The following JAKMIP1 variants were observed in gnomAD, a reference collection of about 807,000 sequenced individuals.
JAKMIP1 encodes janus kinase and microtubule-interacting protein 1.
Under a neutral mutation model 113.0 loss-of-function variants are expected in JAKMIP1, and 33 were observed. The ratio of observed to expected loss-of-function variants is 0.29; its 90% CI spans 0.22 to 0.39. The LOEUF (loss-of-function observed/expected upper bound fraction) is 0.39, where lower values mean the gene tolerates loss of function less well. Among genes scored for constraint, JAKMIP1 ranks in the 10% least tolerant of loss-of-function variants. JAKMIP1 has a pLI of 1.00. For synonymous variants in JAKMIP1, 480 were observed against 459.9 expected, an observed-to-expected ratio of 1.04 and a Z score of -0.56; for missense variants, 813 against 1,080.5, an observed-to-expected ratio of 0.75 and a Z score of 3.47.
chr4:6,031,418 A>G lies in JAKMIP1; in HGVS notation c.2380-1637T>C, dbSNP rs150577813. 4.3e-4 allele frequency among the ~76,000 whole-genome samples: 65 copies of G among 152,294 alleles called. No individual in the cohort carries two copies. The highest frequency in any genetic ancestry group is 1.5e-3 in the African/African-American group (61 of 41,556). On this transcript the variant is annotated intron_variant, in intron 19 of 20. Coordinates refer to ENST00000409021, the MANE Select transcript of JAKMIP1 (RefSeq NM_001099433.2). This position sits in a 1 kb window ranked among gnomAD's most constrained non-coding sequence, Gnocchi z 4.4. Reference sequence around the variant, plus strand: ...GGTGACACAGAGAGACTCCATCTCAATAAATAAATAAAGAGGCATGAGGAG... The same window carrying G: ...GGTGACACAGAGAGACTCCATCTCAGTAAATAAATAAAGAGGCATGAGGAG...
At chr4:6,175,990 C>A (rs1481064729) in intron 1 of JAKMIP1, among the ~76,000 whole-genome samples, 1 of 152,180 alleles carries the variant, frequency 6.6e-6, no homozygotes, top group African/African-American at 2.4e-5. Flanking sequence ...AGGTCCCTTG[C>A]TCATTATAAA....
intron 11 of JAKMIP1, 103 bp from the exon 12 acceptor site, chr4:6,056,862 A>G (rs1284082235): frequency 1.2e-6 from 1 of 820,468 alleles, no homozygotes; most frequent in African/African-American, 1.7e-5. Flanking sequence ...CTGACCATGG[A>G]AAGGTCATAA....
chr4:6,039,216 G>T (rs1713978006), intron 18 of JAKMIP1, among the ~76,000 whole-genome samples: 2 of 152,192 alleles, frequency 1.3e-5, no homozygotes, highest in Admixed American at 6.5e-5. Flanking sequence ...CTGAGTTGGT[G>T]CTTAGACAAA....
chr4:6,190,527 GTCAC>G (rs1727141507), intron 1 of JAKMIP1, among the ~76,000 whole-genome samples: 1 of 152,116 alleles, frequency 6.6e-6, no homozygotes, highest in Admixed American at 6.5e-5. Flanking sequence ...GCTCAGATAA[GTCAC>G]TCACTCCCCA....
intron 1 of JAKMIP1, among the ~76,000 whole-genome samples, chr4:6,177,262 T>C (rs1042850108): frequency 1.3e-5 from 2 of 152,156 alleles, no homozygotes; most frequent in African/African-American, 4.8e-5. Flanking sequence ...AGAAAGGCCA[T>C]CTGATCCGAC....
chr4:6,035,812 T>TG, intron 19 of JAKMIP1, 92 bp downstream of exon 19: 1 of 1,098,058 alleles, frequency 9.1e-7, no homozygotes, highest in Non-Finnish European at 1.3e-6. Flanking sequence ...GGAATGAGCC[T>TG]GGGGCACTCA....
chr4:6,125,436 C>G (rs183467863), intron 1 of JAKMIP1, among the ~76,000 whole-genome samples: 1 of 152,296 alleles, frequency 6.6e-6, no homozygotes, highest in Non-Finnish European at 1.5e-5. Flanking sequence ...GTGGCCCACA[C>G]TGTCAGGACT....
chr4:6,126,962 C>G (rs538371101), intron 1 of JAKMIP1, among the ~76,000 whole-genome samples: 2 of 152,026 alleles, frequency 1.3e-5, no homozygotes, highest in African/African-American at 4.8e-5. Flanking sequence ...ATACAACACA[C>G]ACACCACACC....
At chr4:6,048,136 C>G (rs75107970) in intron 16 of JAKMIP1, among the ~76,000 whole-genome samples, 8 of 152,170 alleles carry the variant, frequency 5.3e-5, no homozygotes, top group Admixed American at 2.0e-4. Flanking sequence ...AAAACAATGA[C>G]GTGATACGGT....
intron 3 of JAKMIP1, among the ~76,000 whole-genome samples, chr4:6,098,106 C>T (rs1296039302): frequency 6.6e-6 from 1 of 152,144 alleles, no homozygotes; most frequent in Non-Finnish European, 1.5e-5. Flanking sequence ...TGCCTGAGCA[C>T]ACTTTACACA....
chr4:6,157,955 T>C lies in JAKMIP1; in HGVS notation c.-148+42298A>G, dbSNP rs530756257. Among the ~76,000 whole-genome samples, 6 of 152,356 alleles carry C rather than the reference T, an allele frequency of 3.9e-5. 1 individual carries two copies. In the South Asian group the frequency reaches 1.0e-3, roughly 26 times the overall value. ...TCCTGATGCAACAGCTTTCTTTCTA[T>C]GGATCACTTCATTCTCCCAAAGAAC... On this transcript the variant is annotated intron_variant, in intron 1 of 20. Coordinates refer to ENST00000409021, the MANE Select transcript of JAKMIP1 (RefSeq NM_001099433.2). This position sits in a 1 kb window ranked among gnomAD's most constrained non-coding sequence, Gnocchi z 4.7.
chr4:6,035,890 C>T lies in JAKMIP1; in HGVS notation c.2379+14G>A. The T allele has an allele frequency of 1.9e-6, 3 of 1,544,222 alleles. No individual in the cohort carries two copies. Among genetic ancestry groups the T allele is most frequent in the Non-Finnish European group, 8.7e-7 (1 of 1,144,638 alleles). ...TGCCGGGGTGCTGTGGGCACAGCCG[C>T]TGTTGCCGCCTACCTGCTGGGCCTG... On this transcript the variant is annotated intron_variant, in intron 19 of 20. Transcript: ENST00000409021.
At position 6,081,629 on chromosome 4, in the gene JAKMIP1, T is replaced by C; in HGVS notation, c.1081A>G (p.Thr361Ala). The change falls in exon 6 of 21, where the codon ACG becomes GCG. Residue 361 changes from threonine (T) to alanine (A), a missense_variant. Transcript: ENST00000409021. This position sits in a 1 kb window ranked among gnomAD's most constrained non-coding sequence, Gnocchi z 4.6. ...CTCACCATTTCCACGTTTTCCCGCGTGAGGTTCTTGATTTTCTCCTCCATC... is the reference window on the plus strand; with the variant it reads ...CTCACCATTTCCACGTTTTCCCGCGCGAGGTTCTTGATTTTCTCCTCCATC... The part of the protein sequence containing the change: ...QRMEEKIKNL[T>A]RENVEMKEKL... The C allele has an allele frequency of 6.2e-7, 1 of 1,614,182 alleles. No individual in the cohort carries two copies.
At chr4:6,034,504 C>T (rs1016705242) in intron 19 of JAKMIP1, among the ~76,000 whole-genome samples, 3 of 152,090 alleles carry the variant, frequency 2.0e-5, no homozygotes, top group Non-Finnish European at 4.4e-5. Flanking sequence ...GATATTTGGT[C>T]AAATATTCTA....
intron 1 of JAKMIP1, among the ~76,000 whole-genome samples, chr4:6,151,580 C>T (rs964458659): frequency 6.6e-6 from 1 of 152,154 alleles, no homozygotes; most frequent in African/African-American, 2.4e-5. Context: ...TTCCCATGCC[C>T]CACCTAGTTG....
chr4:6,145,118 G>A (rs138997971), intron 1 of JAKMIP1, among the ~76,000 whole-genome samples: 100 of 152,174 alleles, frequency 6.6e-4, no homozygotes, highest in African/African-American at 2.2e-3. Flanking sequence ...GAAAACAACC[G>A]GATATAGTCT....
rs553060797 is a variant in JAKMIP1 at position 6,119,939 on chromosome 4, A to C, written c.-147-6942T>G. ...GCCTGATAGTTTTATAGGAGGATTCAAGTAACATAGGCACAAAAAGAAAAG... is the reference window on the plus strand; with the variant it reads ...GCCTGATAGTTTTATAGGAGGATTCCAGTAACATAGGCACAAAAAGAAAAG... On this transcript the variant is annotated intron_variant, in intron 1 of 20. Coordinates refer to ENST00000409021, the MANE Select transcript of JAKMIP1 (RefSeq NM_001099433.2). 2.0e-5 allele frequency among the ~76,000 whole-genome samples: 3 copies of C among 152,362 alleles called. No homozygotes were observed. The East Asian group carries it at 5.8e-4, about 29-fold the overall frequency.
chr4:6,139,690 C>G lies in JAKMIP1; in HGVS notation c.-147-26693G>C, dbSNP rs527459929. 9.2e-5 allele frequency among the ~76,000 whole-genome samples: 14 copies of G among 152,148 alleles called. No individual in the cohort carries two copies. In the South Asian group the frequency reaches 2.5e-3, roughly 27 times the overall value. ...CTGAGGCAGGAGAATCGCCTGAACC[C>G]AGGAGGCGGAGGTTGCAGTGAGCCA... On this transcript the variant is annotated intron_variant, in intron 1 of 20. Transcript: ENST00000409021. This position sits in a 1 kb window ranked among gnomAD's most constrained non-coding sequence, Gnocchi z 5.2.
chr4:6,039,876 G>A (rs973994354), intron 18 of JAKMIP1, among the ~76,000 whole-genome samples: 3 of 151,852 alleles, frequency 2.0e-5, no homozygotes, highest in Non-Finnish European at 4.4e-5. Context: ...TTTTTTTTTA[G>A]TGATTGGCTC....
Sources: allele counts gnomAD v4.1 joint callset (sites outside exome capture counted in the v4.1 genomes callset), GRCh38; gene constraint gnomAD v4.1.1; non-coding constraint Gnocchi (gnomAD v3.1); transcripts MANE v1.5; gene names NCBI Gene and HGNC (gene_info 2026-07-23, HGNC 2026-07-21).